Variants in CPXM2 observed in about 807,000 individuals in gnomAD.
The protein encoded by CPXM2 is inactive carboxypeptidase-like protein X2.
A neutral mutation model predicts 86.1 loss-of-function variants in CPXM2; 66 were observed. The ratio of observed to expected loss-of-function variants is 0.77; its 90% CI spans 0.63 to 0.94. The LOEUF (loss-of-function observed/expected upper bound fraction) is 0.94. Among genes scored for constraint, CPXM2 ranks in the 40% least tolerant of loss-of-function variants. The pLI is 0.00. For synonymous variants in CPXM2, 388 were observed against 400.2 expected (o/e 0.97, Z 0.36); for missense variants, 948 against 1,026.3 (o/e 0.92, Z 1.04).
chr10:123,771,626 T>C (rs1334648935), intron 7 of CPXM2, among the ~76,000 whole-genome samples: 1 of 152,178 alleles, frequency 6.6e-6, no homozygotes, highest in Non-Finnish European at 1.5e-5. Context: ...CAGGTTACAA[T>C]ATTTTAGCAT....
chr10:123,762,202 G>A (rs763232911), intron 10 of CPXM2, 33 bp from the exon 11 acceptor site: 45 of 1,613,710 alleles, frequency 2.8e-5, no homozygotes, highest in Non-Finnish European at 3.5e-5. Context: ...AGTAAAATAA[G>A]CAGGAAGTCA....
intron 2 of CPXM2, among the ~76,000 whole-genome samples, chr10:123,937,472 C>T (rs1213486334): frequency 2.2e-4 from 8 of 36,568 alleles, no homozygotes; most frequent in African/African-American, 1.8e-3. Flanking sequence ...AACAAAACAA[C>T]ACACACACAC....
rs140746709 is a variant in CPXM2, at chr10:123,923,575, C to T, written n.174+15902G>A. Among the ~76,000 whole-genome samples the T allele has an allele frequency of 8.1e-3, 1,209 of 148,696 alleles. 15 individuals carry two copies. The highest frequency in any genetic ancestry group is 0.028 in the African/African-American group (1,127 of 40,606). On this transcript the variant is annotated intron_variant and non_coding_transcript_variant, in intron 2 of 19. Transcript: ENST00000368854. ...CAGCCTGGGCGACAGAGCGAGACTC[C>T]GTCTCAAAAAAAAAAAAAAGAAATA...
chr10:123,794,768 T>TGTGTGTGTGTGC (rs1178311325), intron 6 of CPXM2, among the ~76,000 whole-genome samples: 3 of 147,602 alleles, frequency 2.0e-5, no homozygotes, highest in African/African-American at 7.8e-5. Flanking sequence ...TGTGTGTGTG[T>TGTGTGTGTGTGC]GCGCATGTGT....
At chr10:123,757,499 A>C (rs1191266108) in intron 11 of CPXM2, 147 bp from the exon 12 acceptor site, 1 of 683,666 alleles carries the variant, frequency 1.5e-6, no homozygotes, top group Non-Finnish European at 2.5e-6. Context: ...ATAGACAAAA[A>C]TTTGCATTAG....
rs537401972 is a variant in CPXM2, at chr10:123,862,511, C to T, written c.513+103G>A. 15 of 968,222 alleles carry T rather than the reference C, an allele frequency of 1.5e-5. No homozygotes were observed. In the African/African-American group the frequency reaches 1.6e-4, roughly 10 times the overall value. 60.0% of individuals were successfully genotyped at this position (968,222 alleles called of 1,614,324 possible). A position where few individuals can be genotyped will look rare whatever the true frequency, so the allele number is the denominator to read the frequency against. ...AATATCCTTTCTTACTGTGAGCATC[C>T]AGGCTAATGCATTTTAAATCCTGCG... On this transcript the variant is annotated intron_variant, in intron 3 of 13. Transcript: ENST00000241305.
chr10:123,754,716 C>T lies in CPXM2; in HGVS notation c.1964G>A (p.Gly655Glu). ...TACGGAGATAATGGCGTTTGGGATT[C>T]CTTTTCCATGTGAATCTCTCACCAA... ...KGLVRDSHGK[G>E]IPNAIISVEG... Residue 655 changes from glycine to glutamate, a missense_variant, in exon 13 of 14, where the codon GGA becomes GAA. Transcript: ENST00000241305. The surrounding 1 kb of genome is among the most constrained non-coding windows in gnomAD (Gnocchi z 4.0). 1 of 1,611,984 alleles carries T rather than the reference C, an allele frequency of 6.2e-7. No homozygotes were observed. Among genetic ancestry groups the T allele is most frequent in the South Asian group, 1.1e-5 (1 of 91,040 alleles).
upstream of CPXM2, among the ~76,000 whole-genome samples, chr10:123,894,651 C>T (rs1945319815): frequency 6.6e-6 from 1 of 152,208 alleles, no homozygotes; most frequent in Admixed American, 6.5e-5. Flanking sequence ...TCCCAACTCT[C>T]ACCTATCTGC....
At chr10:123,775,012 A>G (rs1846747822) in intron 7 of CPXM2, among the ~76,000 whole-genome samples, 1 of 152,040 alleles carries the variant, frequency 6.6e-6, no homozygotes, top group Non-Finnish European at 1.5e-5. Flanking sequence ...GGCAGAGGAG[A>G]TTTTTCCCAT....
intron 2 of CPXM2, among the ~76,000 whole-genome samples, chr10:123,873,185 T>A (rs1944921355): frequency 6.8e-6 from 1 of 147,446 alleles, no homozygotes; most frequent in Non-Finnish European, 1.5e-5. Flanking sequence ...TTAACAAGAG[T>A]TTAGCAAGAT....
At chr10:123,858,503 T>C (rs1388256326) in intron 3 of CPXM2, among the ~76,000 whole-genome samples, 2 of 152,250 alleles carry the variant, frequency 1.3e-5, no homozygotes, top group African/African-American at 4.8e-5. Flanking sequence ...GGCAATTTTA[T>C]GGCATCATTA....
intron 10 of CPXM2, 48 bp from the exon 11 acceptor site, chr10:123,762,217 A>T: frequency 1.2e-6 from 2 of 1,612,886 alleles, no homozygotes; most frequent in Non-Finnish European, 1.7e-6. Flanking sequence ...AAGTCATTTT[A>T]TCTCCCCAGC....
rs1228970413 is a variant in CPXM2, at chr10:123,745,853, TA to T, written c.*910del. On this transcript the variant is annotated 3_prime_UTR_variant, in exon 14 of 14. Transcript: ENST00000241305. The stretch of plus-strand genomic sequence containing the variant: ...ATATCAAAAATAACTCCCAGGCTGA[TA>T]TGAGGCCAACCCATGAGCACTCAAT... 6.6e-6 allele frequency: 1 copy of T among 152,012 alleles called. No individual in the cohort carries two copies. The highest frequency in any genetic ancestry group is 2.4e-5 in the African/African-American group (1 of 41,376). 9.4% of individuals were successfully genotyped at this position (152,012 alleles called of 1,614,324 possible).
At chr10:123,837,382 G>A (rs1044710392) in intron 4 of CPXM2, among the ~76,000 whole-genome samples, 3 of 152,162 alleles carry the variant, frequency 2.0e-5, no homozygotes, top group African/African-American at 7.2e-5. Context: ...CCACTTAAAA[G>A]ACAAATGCAC....
At chr10:123,824,293 G>C (rs970978821) in intron 4 of CPXM2, among the ~76,000 whole-genome samples, 2 of 152,084 alleles carry the variant, frequency 1.3e-5, no homozygotes, top group Non-Finnish European at 2.9e-5. Flanking sequence ...TTTTCAGATG[G>C]ACTTTAAAGA....
chr10:123,748,772 G>A (rs1846016862), intron 13 of CPXM2, among the ~76,000 whole-genome samples: 1 of 152,120 alleles, frequency 6.6e-6, no homozygotes, highest in African/African-American at 2.4e-5. Context: ...CTCGAGCCTC[G>A]CAGCAAAGTT....
intron 2 of CPXM2, 105 bp downstream of exon 2, chr10:123,880,106 C>G (rs1945057323): frequency 1.5e-6 from 1 of 661,294 alleles, no homozygotes; most frequent in South Asian, 1.9e-5. Context: ...CAGCCCCACA[C>G]TCGGGAATCT....
intron 2 of CPXM2, among the ~76,000 whole-genome samples, chr10:123,909,861 G>A (rs1564820274): frequency 6.6e-6 from 1 of 152,116 alleles, no homozygotes; most frequent in African/African-American, 2.4e-5. Context: ...CACCCATGAG[G>A]GCCATGGAGC....
intron 3 of CPXM2, among the ~76,000 whole-genome samples, chr10:123,850,554 C>T (rs925471785): frequency 1.3e-5 from 2 of 152,208 alleles, no homozygotes; most frequent in African/African-American, 4.8e-5. Flanking sequence ...GCCCAGTAGT[C>T]ACTTAGCAGC....
Sources: allele counts gnomAD v4.1 joint callset (sites outside exome capture counted in the v4.1 genomes callset), GRCh38; gene constraint gnomAD v4.1.1; non-coding constraint Gnocchi (gnomAD v3.1); transcripts MANE v1.5; gene names NCBI Gene and HGNC (gene_info 2026-07-23, HGNC 2026-07-21).